Variants in RANBP17 observed in about 807,000 individuals in gnomAD.
RANBP17 encodes the protein RAN binding protein 17, also known as ran-binding protein 17.
In RANBP17, 158 loss-of-function variants were observed where a neutral mutation model predicts 141.2. The ratio of observed to expected loss-of-function variants is 1.12; its 90% CI spans 0.98 to 1.28. The LOEUF is 1.28. RANBP17 is among the 50% of genes most tolerant of loss of function. The pLI is 0.00. For synonymous variants in RANBP17, 430 were observed against 450.0 expected, an observed-to-expected ratio of 0.96 and a Z score of 0.56; for missense variants, 1,438 against 1,290.7, an observed-to-expected ratio of 1.11 and a Z score of -1.75.
chr5:171,116,605 T>C (rs527412837), intron 14 of RANBP17, among the ~76,000 whole-genome samples: 5 of 152,344 alleles, frequency 3.3e-5, no homozygotes, highest in African/African-American at 1.2e-4. Flanking sequence ...GTGATACATA[T>C]AATGTGTAGT....
At position 170,979,274 on chromosome 5, in the gene RANBP17, G is replaced by C. The variant is rs367928227; in HGVS notation, c.1710+10897G>C. Reference sequence around the variant, plus strand: ...TTAGTCTGCATGGTGGGTGTGCATGGGTGTTTATTAAATTTTATGCCTTTC... The same window carrying C: ...TTAGTCTGCATGGTGGGTGTGCATGCGTGTTTATTAAATTTTATGCCTTTC... On this transcript the variant is annotated intron_variant, in intron 14 of 27. Transcript: ENST00000523189. Among the ~76,000 whole-genome samples, 197 of 151,936 alleles carry C rather than the reference G, an allele frequency of 1.3e-3. 1 individual carries two copies. The highest frequency in any genetic ancestry group is 4.6e-3 in the African/African-American group (192 of 41,416).
At chr5:171,095,623 G>T (rs1786633015) in intron 14 of RANBP17, among the ~76,000 whole-genome samples, 1 of 152,176 alleles carries the variant, frequency 6.6e-6, no homozygotes, top group Non-Finnish European at 1.5e-5. Flanking sequence ...TTGGAAGGTT[G>T]TAAGCTTTCT....
At chr5:171,117,248 C>T (rs947903783) in intron 14 of RANBP17, among the ~76,000 whole-genome samples, 9 of 152,076 alleles carry the variant, frequency 5.9e-5, no homozygotes, top group African/African-American at 1.7e-4. Flanking sequence ...GAGGAACCTC[C>T]GTATTTTCTC....
At chr5:171,000,429 A>T (rs1779120904) in intron 14 of RANBP17, among the ~76,000 whole-genome samples, 1 of 152,190 alleles carries the variant, frequency 6.6e-6, no homozygotes, top group African/African-American at 2.4e-5. Context: ...TATTCATACA[A>T]AATATGTATA....
chr5:171,112,570 A>G (rs1018878566), intron 14 of RANBP17, among the ~76,000 whole-genome samples: 1 of 152,012 alleles, frequency 6.6e-6, no homozygotes, highest in Non-Finnish European at 1.5e-5. Context: ...GACTGTCACC[A>G]GACTCATGAA....
At chr5:170,953,846 G>A (rs1775398706) in intron 13 of RANBP17, 144 bp downstream of exon 13, 6 of 591,834 alleles carry the variant, frequency 1.0e-5, no homozygotes, top group Non-Finnish European at 1.5e-5. Context: ...AGAAAACCAA[G>A]GCTCAAAGGT....
rs1031880586 is a variant in RANBP17, at chr5:171,171,233, A to C, written c.1812A>C (p.Arg604Ser). The C allele has an allele frequency of 6.3e-7, 1 of 1,596,354 alleles. No individual in the cohort carries two copies. Among genetic ancestry groups the C allele is most frequent in the Non-Finnish European group, 8.6e-7 (1 of 1,168,406 alleles). ...KIVTNLKYWG[R>S]YEPVISRTLQ... ...TTACAAACCTTAAATACTGGGGAAG[A>C]TATGAGCCTGTAATTTCAAGGACTC... The change falls in exon 16 of 28, where the codon AGA becomes AGC. Residue 604 changes from arginine (R) to serine (S), a missense_variant. Coordinates refer to ENST00000523189, the MANE Select transcript of RANBP17 (RefSeq NM_022897.5).
At chr5:171,103,736 C>A (rs1478781113) in intron 14 of RANBP17, among the ~76,000 whole-genome samples, 1 of 152,132 alleles carries the variant, frequency 6.6e-6, no homozygotes, top group Non-Finnish European at 1.5e-5. Context: ...GTGGTGTAGG[C>A]ACCCGAGAGA....
At chr5:171,222,634 C>CT (rs925993652) in intron 22 of RANBP17, among the ~76,000 whole-genome samples, 39 of 149,472 alleles carry the variant, frequency 2.6e-4, no homozygotes, top group South Asian at 1.1e-3. Flanking sequence ...GCCTGTTATT[C>CT]TTTTTTTTTT....
intron 14 of RANBP17, among the ~76,000 whole-genome samples, chr5:171,025,317 G>T (rs1781162594): frequency 6.6e-6 from 1 of 152,148 alleles, no homozygotes; most frequent in Non-Finnish European, 1.5e-5. Context: ...ATGGTTTATA[G>T]AGTCCACTGA....
intron 5 of RANBP17, chr5:170,897,388 G>T: frequency 2.3e-6 from 1 of 432,880 alleles, no homozygotes; most frequent in Non-Finnish European, 4.3e-6. Context: ...TCCATTGCGC[G>T]TATGTGTACG....
intron 18 of RANBP17, among the ~76,000 whole-genome samples, chr5:171,195,905 G>A (rs563929207): frequency 4.5e-4 from 69 of 152,292 alleles, no homozygotes; most frequent in African/African-American, 1.6e-3. Context: ...CCACATAAGT[G>A]TTTTTTAAGC....
At chr5:171,004,622 G>C (rs1779453885) in intron 14 of RANBP17, among the ~76,000 whole-genome samples, 1 of 152,154 alleles carries the variant, frequency 6.6e-6, no homozygotes, top group South Asian at 2.1e-4. Context: ...TAGTCCAGGG[G>C]GCTTCCAAGG....
chr5:170,866,973 T>C (rs74990262), intron 1 of RANBP17: 11 of 152,326 alleles, frequency 7.2e-5, no homozygotes, highest in Non-Finnish European at 1.3e-4. Flanking sequence ...ATCAGTAATA[T>C]TGACCTCCCA....
chr5:171,026,126 T>G (rs1442558037), intron 14 of RANBP17, among the ~76,000 whole-genome samples: 2 of 152,234 alleles, frequency 1.3e-5, no homozygotes, highest in East Asian at 3.8e-4. Flanking sequence ...ATTTATTATT[T>G]CTCTTTGGGA....
chr5:171,176,006 A>C (rs930782550), intron 16 of RANBP17, among the ~76,000 whole-genome samples: 1 of 152,112 alleles, frequency 6.6e-6, no homozygotes, highest in African/African-American at 2.4e-5. Context: ...TTCTAGGCAC[A>C]GGGTCCACTA....
chr5:170,984,055 C>T (rs1184515772), intron 14 of RANBP17, among the ~76,000 whole-genome samples: 2 of 151,988 alleles, frequency 1.3e-5, no homozygotes, highest in Non-Finnish European at 2.9e-5. Context: ...TCAGCAAATA[C>T]TGAATAAATA....
chr5:171,295,275 A>G (rs1768746216), intron 26 of RANBP17, among the ~76,000 whole-genome samples: 1 of 152,176 alleles, frequency 6.6e-6, no homozygotes. Context: ...AAGGCTGTGC[A>G]GGTGTTTGTG....
At chr5:171,040,812 C>G (rs1352952890) in intron 14 of RANBP17, among the ~76,000 whole-genome samples, 2 of 152,180 alleles carry the variant, frequency 1.3e-5, no homozygotes, top group African/African-American at 4.8e-5. Context: ...TCGCTGCATT[C>G]TGCATTAGTT....
Sources: allele counts gnomAD v4.1 joint callset (sites outside exome capture counted in the v4.1 genomes callset), GRCh38; gene constraint gnomAD v4.1.1; transcripts MANE v1.5; gene names NCBI Gene and HGNC (gene_info 2026-07-23, HGNC 2026-07-21).